The following CELF2 variants were observed in gnomAD, a reference collection of about 807,000 sequenced individuals.
CELF2 encodes the protein CUGBP Elav-like family member 2.
In CELF2, 8 loss-of-function variants were observed where a neutral mutation model predicts 62.6. The observed-to-expected ratio is 0.13, with a 90% CI of 0.07 to 0.23. CELF2 has a LOEUF of 0.23. Among genes scored for constraint, CELF2 ranks in the 10% least tolerant of loss-of-function variants. CELF2 has a pLI of 1.00. For missense variants in CELF2, 333 were observed against 671.0 expected, an observed-to-expected ratio of 0.50 and a Z score of 5.56; for synonymous variants, 258 against 250.0, an observed-to-expected ratio of 1.03 and a Z score of -0.30.
At chr10:10,593,155 T>C in the CELF2 span, among the ~76,000 whole-genome samples, 1 of 152,070 alleles carries the variant, frequency 6.6e-6, no homozygotes, top group African/African-American at 2.4e-5. Flanking sequence ...AGAGACATGA[T>C]GGTAGGAGGG....
intron 2 of CELF2, among the ~76,000 whole-genome samples, chr10:11,188,324 C>T (rs2075497417): frequency 1.3e-5 from 2 of 152,136 alleles, no homozygotes; most frequent in East Asian, 1.9e-4. Context: ...AGGGTGGTAT[C>T]GAACTCCCAA....
intron 2 of CELF2, among the ~76,000 whole-genome samples, chr10:10,937,817 T>G (rs1202089110): frequency 6.6e-6 from 1 of 152,168 alleles, no homozygotes; most frequent in African/African-American, 2.4e-5. Flanking sequence ...TAAGTCTAGA[T>G]AGCATGATAG....
At chr10:10,885,164 A>G (rs1285927466) in intron 1 of CELF2, among the ~76,000 whole-genome samples, 2 of 151,950 alleles carry the variant, frequency 1.3e-5, no homozygotes, top group African/African-American at 4.8e-5. Context: ...AATCGCTTGA[A>G]CACGGTAGGT....
At position 11,214,389 on chromosome 10, in the gene CELF2, C is replaced by G. The variant is rs1460664096; in HGVS notation, c.272-3036C>G. ...ACTAAATGTGAAAAACCAAAAGAAG[C>G]CTCTGGGGTTAGTATTCCCAGTCTC... is the stretch of plus-strand genomic sequence containing the variant. On this transcript the variant is annotated intron_variant, in intron 2 of 12. Transcript: ENST00000633077. The surrounding 1 kb of genome is among the most constrained non-coding windows in gnomAD (Gnocchi z 4.2). Among the ~76,000 whole-genome samples, 1 of 152,204 alleles carries G rather than the reference C, an allele frequency of 6.6e-6. No homozygotes were observed. The highest frequency in any genetic ancestry group is 2.4e-5 in the African/African-American group (1 of 41,450).
At chr10:10,633,827 A>G in the CELF2 span, among the ~76,000 whole-genome samples, 1 of 151,950 alleles carries the variant, frequency 6.6e-6, no homozygotes. Flanking sequence ...TTTAATGAAT[A>G]TTATATCTTT....
rs1471375557 is a variant in CELF2 at position 11,321,223 on chromosome 10, T to C, written c.1131T>C (p.Asn377=). The C allele has an allele frequency of 6.2e-7, 1 of 1,614,184 alleles. No homozygotes were observed. The highest frequency in any genetic ancestry group is 8.5e-7 in the Non-Finnish European group (1 of 1,180,028). The change falls in exon 11 of 13, where the codon AAT becomes AAC. Residue 377 remains asparagine, a synonymous_variant. Transcript: ENST00000633077. The surrounding 1 kb of genome is among the most constrained non-coding windows in gnomAD (Gnocchi z 6.2). ...TGCTCTCAGGTATGGCGGCTCTGAA[T>C]GGAGGACTTGGCGCCACAGGCTTGA... ...AQMLSGMAAL[N]GGLGATGLTN... is the part of the protein sequence containing the mutation.
chr10:11,028,472 T>G (rs2059597865), intron 1 of CELF2, among the ~76,000 whole-genome samples: 1 of 151,092 alleles, frequency 6.6e-6, no homozygotes, highest in Non-Finnish European at 1.5e-5. Context: ...CAGGCTGAAG[T>G]GCAGTGGCGC....
chr10:10,899,206 G>C (rs1199096593), intron 1 of CELF2, among the ~76,000 whole-genome samples: 1 of 152,080 alleles, frequency 6.6e-6, no homozygotes, highest in Non-Finnish European at 1.5e-5. Context: ...CACAAAATAA[G>C]TGAAAGAAAG....
At chr10:11,325,052 G>C (rs1328578287) in intron 11 of CELF2, among the ~76,000 whole-genome samples, 2 of 152,166 alleles carry the variant, frequency 1.3e-5, no homozygotes, top group African/African-American at 4.8e-5. Flanking sequence ...GGAAAAGCGA[G>C]GGCAGCTTAG....
the CELF2 span, among the ~76,000 whole-genome samples, chr10:10,533,543 A>C: frequency 2.6e-5 from 4 of 152,236 alleles, no homozygotes; most frequent in Admixed American, 2.6e-4. Flanking sequence ...TCTTTACCTC[A>C]GAGTAACTTA....
At chr10:10,763,541 A>G in the CELF2 span, among the ~76,000 whole-genome samples, 1 of 152,238 alleles carries the variant, frequency 6.6e-6, no homozygotes, top group Non-Finnish European at 1.5e-5. Context: ...TGCCCTGTGT[A>G]TGTGAGAGGA....
At chr10:10,772,851 T>G in the CELF2 span, among the ~76,000 whole-genome samples, 1 of 152,206 alleles carries the variant, frequency 6.6e-6, no homozygotes, top group Non-Finnish European at 1.5e-5. Context: ...AACTCACTAT[T>G]TGAACATCTT....
chr10:11,137,430 A>T (rs1303835165), intron 1 of CELF2, among the ~76,000 whole-genome samples: 1 of 152,228 alleles, frequency 6.6e-6, no homozygotes, highest in East Asian at 1.9e-4. Flanking sequence ...TGCTGTGGGT[A>T]AGAGCTTTGG....
chr10:11,027,118 A>G (rs927345486), intron 1 of CELF2, among the ~76,000 whole-genome samples: 1 of 152,022 alleles, frequency 6.6e-6, no homozygotes, highest in Non-Finnish European at 1.5e-5. Flanking sequence ...CCAGCCAGCC[A>G]TCTTTTCTTG....
chr10:10,583,529 C>T, the CELF2 span, among the ~76,000 whole-genome samples: 1 of 152,180 alleles, frequency 6.6e-6, no homozygotes, highest in African/African-American at 2.4e-5. Context: ...CCTGAAGTTG[C>T]TGCCTGTATT....
intron 2 of CELF2, among the ~76,000 whole-genome samples, chr10:10,933,616 C>T (rs4747884): frequency 0.35 from 52,815 of 150,760 alleles, 10,129 homozygotes; most frequent in East Asian, 0.74. Context: ...CCCACCCCAT[C>T]CCCTGGTAAC....
the CELF2 span, among the ~76,000 whole-genome samples, chr10:10,505,910 T>A: frequency 6.6e-6 from 1 of 152,206 alleles, no homozygotes; most frequent in Non-Finnish European, 1.5e-5. Context: ...CATCACCATG[T>A]TATCTTCAGA....
intron 1 of CELF2, among the ~76,000 whole-genome samples, chr10:11,037,197 A>G (rs2061096335): frequency 6.6e-6 from 1 of 152,258 alleles, no homozygotes; most frequent in Non-Finnish European, 1.5e-5. Flanking sequence ...GCAAAGGGAC[A>G]TCTTATATGG....
At chr10:10,626,777 G>A in the CELF2 span, among the ~76,000 whole-genome samples, 14 of 152,234 alleles carry the variant, frequency 9.2e-5, no homozygotes, top group South Asian at 2.1e-4. Context: ...TTTTGGAGTC[G>A]TCAAATCCTG....
Sources: allele counts gnomAD v4.1 joint callset (sites outside exome capture counted in the v4.1 genomes callset), GRCh38; gene constraint gnomAD v4.1.1; non-coding constraint Gnocchi (gnomAD v3.1); transcripts MANE v1.5; gene names NCBI Gene and HGNC (gene_info 2026-07-23, HGNC 2026-07-21).